The following TOPAZ1 variants were observed in gnomAD, a reference collection of about 807,000 sequenced individuals.
TOPAZ1 encodes the protein protein TOPAZ1.
In TOPAZ1, 66 loss-of-function variants were observed where a neutral mutation model predicts 172.2. The observed-to-expected ratio is 0.38, with a 90% CI of 0.31 to 0.47. The LOEUF (loss-of-function observed/expected upper bound fraction) is 0.47. Among genes scored for constraint, TOPAZ1 ranks in the 20% least tolerant of loss-of-function variants. The probability of loss-of-function intolerance (pLI) is 0.99; values close to 1 mark genes in which losing one functional copy is unlikely to be tolerated. For synonymous variants in TOPAZ1, 681 were observed against 683.9 expected (o/e 1.00, Z 0.07); for missense variants, 1,822 against 1,972.4 (o/e 0.92, Z 1.44).
intron 6 of TOPAZ1, among the ~76,000 whole-genome samples, 200 bp downstream of exon 6, chr3:44,267,336 T>A (rs1452725361): frequency 7.0e-6 from 1 of 142,862 alleles, no homozygotes; most frequent in Non-Finnish European, 1.5e-5. Context: ...CACTGTCGCC[T>A]AGGCTGGAGT....
At chr3:44,297,120 G>A (rs561972749) in intron 12 of TOPAZ1, among the ~76,000 whole-genome samples, 53 of 149,032 alleles carry the variant, frequency 3.6e-4, no homozygotes, top group Non-Finnish European at 6.1e-4. Context: ...ACAGTGAGCC[G>A]AGATTGAACC....
intron 8 of TOPAZ1, among the ~76,000 whole-genome samples, chr3:44,278,455 A>G (rs1265161139): frequency 1.3e-5 from 2 of 152,130 alleles, no homozygotes; most frequent in East Asian, 3.9e-4. Flanking sequence ...AATTGGTATT[A>G]GTTCTTCTTC....
chr3:44,330,450 C>T (rs377533459), intron 19 of TOPAZ1, among the ~76,000 whole-genome samples: 1 of 152,186 alleles, frequency 6.6e-6, no homozygotes, highest in African/African-American at 2.4e-5. Context: ...GTTACATTTA[C>T]CTCTCTCTAT....
At chr3:44,245,982 C>A (rs1699560682) in intron 2 of TOPAZ1, among the ~76,000 whole-genome samples, 1 of 152,152 alleles carries the variant, frequency 6.6e-6, no homozygotes, top group African/African-American at 2.4e-5. Context: ...CTATTTTAAT[C>A]CATTTTCTAT....
intron 16 of TOPAZ1, among the ~76,000 whole-genome samples, chr3:44,318,097 CG>C (rs879450388): frequency 1.3e-5 from 2 of 151,976 alleles, no homozygotes; most frequent in Non-Finnish European, 2.9e-5. Flanking sequence ...GCCTGTGGCC[CG>C]GGGTGATGAA....
chr3:44,302,074 C>A (rs943581393), intron 12 of TOPAZ1, among the ~76,000 whole-genome samples: 2 of 152,052 alleles, frequency 1.3e-5, no homozygotes, highest in African/African-American at 2.4e-5. Context: ...TCAGTTTTAT[C>A]TTTTCCAAAT....
At chr3:44,328,174 C>T (rs1018919137) in intron 18 of TOPAZ1, 76 bp from the exon 19 acceptor site, 7 of 857,894 alleles carry the variant, frequency 8.2e-6, no homozygotes, top group South Asian at 2.1e-5. Flanking sequence ...GTAATTATCG[C>T]CTGTAGGTAT....
At chr3:44,320,327 G>A (rs1027797786) in intron 16 of TOPAZ1, among the ~76,000 whole-genome samples, 3 of 152,216 alleles carry the variant, frequency 2.0e-5, no homozygotes, top group African/African-American at 4.8e-5. Flanking sequence ...GTCGGGCGCA[G>A]TGGCTCATGC....
rs1575732602 is a variant in TOPAZ1, at chr3:44,313,563, G to C, written c.4306+3573G>C. On this transcript the variant is annotated intron_variant, in intron 16 of 19. Coordinates refer to ENST00000309765, the MANE Select transcript of TOPAZ1 (RefSeq NM_001145030.2). Reference sequence around the variant, plus strand: ...ACCCGGGAGGCGGAGCTTGCAGTGAGCCAAGATCACGCCACTGCACTCCAG... The same window carrying C: ...ACCCGGGAGGCGGAGCTTGCAGTGACCCAAGATCACGCCACTGCACTCCAG... Among the ~76,000 whole-genome samples the C allele has an allele frequency of 2.0e-5, 3 of 147,970 alleles. No homozygotes were observed. The South Asian group carries it at 6.5e-4, about 32-fold the overall frequency.
chr3:44,332,022 C>A lies in TOPAZ1; in HGVS notation c.*11C>A. ...TTCAGTAACCATTAGCTAATAAAGTCTGCTTTTTTTTTTTTTTTAGTTCAA... is the reference window on the plus strand; with the variant it reads ...TTCAGTAACCATTAGCTAATAAAGTATGCTTTTTTTTTTTTTTTAGTTCAA... On this transcript the variant is annotated 3_prime_UTR_variant, in exon 20 of 20. Coordinates refer to ENST00000309765, the MANE Select transcript of TOPAZ1 (RefSeq NM_001145030.2). 6.9e-7 allele frequency: 1 copy of A among 1,458,092 alleles called. No homozygotes were observed. The highest frequency in any genetic ancestry group is 9.1e-7 in the Non-Finnish European group (1 of 1,095,752). 90.3% of individuals were successfully genotyped at this position (1,458,092 alleles called of 1,614,324 possible).
chr3:44,298,375 T>G (rs1190411475), intron 12 of TOPAZ1, among the ~76,000 whole-genome samples: 1 of 152,080 alleles, frequency 6.6e-6, no homozygotes, highest in Non-Finnish European at 1.5e-5. Context: ...GGAGGATCAC[T>G]TGAGCCCCAG....
Position 44,244,311 on chromosome 3 carries a change from G to A in TOPAZ1, c.1805G>A (p.Ser602Asn). ...AAAAAGATAAAATCAGAGGAACTGA[G>A]CAGAAGAGGGTCAGAGGTAATTTCT... ...DDKKIKSEEL[S>N]RRGSEVISNT... Residue 602 changes from serine to asparagine, a missense_variant, in exon 2 of 20, where the codon AGC (serine) becomes AAC (asparagine). This residue lies in a region of TOPAZ1 where 1,489 missense variants were observed against 1,490.8 expected (regional missense o/e 1.00). Transcript: ENST00000309765. 1 of 1,551,034 alleles carries A rather than the reference G, an allele frequency of 6.4e-7. No individual in the cohort carries two copies. Among genetic ancestry groups the A allele is most frequent in the East Asian group, 2.4e-5 (1 of 40,898 alleles).
At chr3:44,259,139 G>T (rs1471266614) in intron 4 of TOPAZ1, among the ~76,000 whole-genome samples, 1 of 152,062 alleles carries the variant, frequency 6.6e-6, no homozygotes, top group Non-Finnish European at 1.5e-5. Context: ...AGGGCAAATT[G>T]TTGTCCTCCC....
intron 4 of TOPAZ1, 48 bp from the exon 5 acceptor site, chr3:44,262,371 A>T: frequency 9.9e-7 from 1 of 1,010,436 alleles, no homozygotes; most frequent in Non-Finnish European, 1.5e-6. Flanking sequence ...CTTAGTATGT[A>T]ATACAGAGAC....
rs776633930 is a variant in TOPAZ1 at position 44,242,346 on chromosome 3, G to A, written c.293G>A (p.Arg98Gln). The A allele has an allele frequency of 1.9e-6, 3 of 1,551,316 alleles. No individual in the cohort carries two copies. The highest frequency in any genetic ancestry group is 2.8e-5 in the African/African-American group (2 of 72,354). ...AGCCCGTCAGACTCGTCAGACCCGC[G>A]AGGCCTAGAAGCAGCAAAGGAGGCT... ...PVSPSDSSDP[R>Q]GLEAAKEAEL... Residue 98 changes from arginine (R) to glutamine (Q), a missense_variant, in exon 1 of 20, where the codon CGA becomes CAA. This residue lies in a region of TOPAZ1 where 1,489 missense variants were observed against 1,490.8 expected (regional missense o/e 1.00). Coordinates refer to ENST00000309765, the MANE Select transcript of TOPAZ1 (RefSeq NM_001145030.2).
intron 13 of TOPAZ1, among the ~76,000 whole-genome samples, chr3:44,304,364 A>T (rs1357213996): frequency 6.6e-6 from 1 of 152,202 alleles, no homozygotes; most frequent in Non-Finnish European, 1.5e-5. Context: ...CTTAGTCTTT[A>T]AGTTTTGAGA....
At chr3:44,315,533 ATT>A (rs369669969) in intron 16 of TOPAZ1, among the ~76,000 whole-genome samples, 6 of 128,874 alleles carry the variant, frequency 4.7e-5, no homozygotes, top group African/African-American at 8.9e-5. Flanking sequence ...ACGTCTGGCT[ATT>A]TTTTTTTTTT....
chr3:44,242,422 T>C lies in TOPAZ1; in HGVS notation c.346+23T>C, dbSNP rs566284505. The C allele has an allele frequency of 2.3e-4, 359 of 1,550,772 alleles. 2 individuals are homozygous for C. The South Asian group carries it at 4.0e-3, about 17-fold the overall frequency. On this transcript the variant is annotated intron_variant, in intron 1 of 19. Coordinates refer to ENST00000309765, the MANE Select transcript of TOPAZ1 (RefSeq NM_001145030.2). ...ACAGTAAGAAAGCATCCACGATCAC[T>C]TACCTTTAGCCCTTGTACCTCAGCG...
chr3:44,269,074 C>T (rs1403808641), intron 6 of TOPAZ1, 142 bp from the exon 7 acceptor site: 8 of 615,236 alleles, frequency 1.3e-5, no homozygotes, highest in Non-Finnish European at 2.0e-5. Flanking sequence ...CAGGAACACA[C>T]ATGGCAGCAC....
Sources: gnomAD v4.1 joint callset for allele counts (sites outside exome capture counted in the v4.1 genomes callset) on GRCh38, gnomAD v4.1.1 for gene constraint, gnomAD v4.1.1 regional missense constraint, MANE v1.5 for transcripts, NCBI Gene and HGNC (gene_info 2026-07-23, HGNC 2026-07-21) for gene names.